The following SHANK2 variants were observed in gnomAD, a reference collection of about 807,000 sequenced individuals.
The protein encoded by SHANK2 is SH3 and multiple ankyrin repeat domains protein 2.
SHANK2 carries 43 observed loss-of-function variants against 133.7 expected under a neutral mutation model. The observed-to-expected ratio is 0.32, with a 90% CI of 0.25 to 0.41. The LOEUF (loss-of-function observed/expected upper bound fraction) is 0.41. SHANK2 is among the 10% of genes least tolerant of loss of function. SHANK2 has a pLI of 1.00. For synonymous variants in SHANK2, 1,017 were observed against 952.8 expected, an observed-to-expected ratio of 1.07 and a Z score of -1.24; for missense variants, 1,994 against 2,235.8, an observed-to-expected ratio of 0.89 and a Z score of 2.18.
chr11:71,080,467 G>A (rs930144443), intron 8 of SHANK2, among the ~76,000 whole-genome samples: 3 of 152,320 alleles, frequency 2.0e-5, no homozygotes, highest in East Asian at 1.9e-4. Flanking sequence ...GAGGAACGGC[G>A]CCACCTGGGG....
At chr11:70,891,371 G>A (rs918160076) in intron 11 of SHANK2, among the ~76,000 whole-genome samples, 6 of 151,836 alleles carry the variant, frequency 4.0e-5, no homozygotes, top group Non-Finnish European at 5.9e-5. Context: ...GGGTGGTGGC[G>A]GGCGCCCGTA....
chr11:71,200,301 T>G (rs1408087344), intron 2 of SHANK2, among the ~76,000 whole-genome samples: 1 of 152,242 alleles, frequency 6.6e-6, no homozygotes, highest in African/African-American at 2.4e-5. Flanking sequence ...CGTAATCCAT[T>G]CCTTTTCAGG....
At chr11:70,622,091 G>T (rs2136458272) in intron 17 of SHANK2, among the ~76,000 whole-genome samples, 1 of 152,284 alleles carries the variant, frequency 6.6e-6, no homozygotes, top group East Asian at 1.9e-4. Context: ...AGGGGTGTTT[G>T]CCTGTCACTA....
chr11:71,204,906 G>A (rs145773410), intron 2 of SHANK2, among the ~76,000 whole-genome samples: 1 of 152,096 alleles, frequency 6.6e-6, no homozygotes, highest in Non-Finnish European at 1.5e-5. Context: ...TCCCAGGTAG[G>A]AGGGTCCCTC....
chr11:71,097,193 G>A (rs1226844792), intron 6 of SHANK2, among the ~76,000 whole-genome samples: 1 of 152,106 alleles, frequency 6.6e-6, no homozygotes, highest in Non-Finnish European at 1.5e-5. Context: ...ACCCACCCTG[G>A]GGAGGTCAGG....
At chr11:70,618,907 G>A (rs911630974) in intron 17 of SHANK2, among the ~76,000 whole-genome samples, 1 of 152,216 alleles carries the variant, frequency 6.6e-6, no homozygotes, top group African/African-American at 2.4e-5. Context: ...TCCAGGGCAG[G>A]CGAGCTTCTC....
At chr11:71,073,939 G>A (rs1463378287) in intron 9 of SHANK2, among the ~76,000 whole-genome samples, 1 of 152,174 alleles carries the variant, frequency 6.6e-6, no homozygotes, top group East Asian at 1.9e-4. Flanking sequence ...GAACTGAACA[G>A]AGTTTGCATC....
intron 15 of SHANK2, 101 bp from the exon 16 acceptor site, chr11:70,661,779 C>G: frequency 6.2e-7 from 1 of 1,613,860 alleles, no homozygotes; most frequent in Non-Finnish European, 8.5e-7. Flanking sequence ...GCCAATTAAT[C>G]ACCCCAGCTC....
intron 11 of SHANK2, among the ~76,000 whole-genome samples, chr11:70,891,322 G>A (rs965204803): frequency 2.0e-5 from 3 of 152,080 alleles, no homozygotes; most frequent in East Asian, 1.9e-4. Context: ...AGACCACAGC[G>A]AAACCCCATC....
At chr11:71,076,503 AAAAAAACAAAC>A (rs1951221642) in intron 8 of SHANK2, among the ~76,000 whole-genome samples, 1 of 148,842 alleles carries the variant, frequency 6.7e-6, no homozygotes, top group Non-Finnish European at 1.5e-5. Flanking sequence ...ACAAAACAAA[AAAAAAACAAAC>A]AAAAACAAAA....
chr11:70,473,657 G>A lies in SHANK2; in HGVS notation c.4980-218C>T, dbSNP rs1591473409. ...GGAGACACCAGAGCACACCACGTCAGCCCACTCACCTGAACTGGGACAGAG... is the reference window on the plus strand; with the variant it reads ...GGAGACACCAGAGCACACCACGTCAACCCACTCACCTGAACTGGGACAGAG... On this transcript the variant is annotated intron_variant, in intron 25 of 25. Transcript: ENST00000601538. This position sits in a 1 kb window ranked among gnomAD's most constrained non-coding sequence, Gnocchi z 5.9. The A allele has an allele frequency of 1.6e-6, 1 of 637,518 alleles. No individual in the cohort carries two copies. The highest frequency in any genetic ancestry group is 2.9e-6 in the Non-Finnish European group (1 of 348,928). 39.5% of individuals were successfully genotyped at this position (637,518 alleles called of 1,614,324 possible). A position where few individuals can be genotyped will look rare whatever the true frequency, so the allele number is the denominator to read the frequency against.
At chr11:70,677,608 A>G (rs1565234449) in intron 15 of SHANK2, among the ~76,000 whole-genome samples, 1 of 152,152 alleles carries the variant, frequency 6.6e-6, no homozygotes, top group Admixed American at 6.5e-5. Context: ...CACCCAAGGA[A>G]GTCCACCATT....
intron 17 of SHANK2, among the ~76,000 whole-genome samples, chr11:70,553,918 GT>G (rs2059799293): frequency 6.6e-6 from 1 of 152,254 alleles, no homozygotes; most frequent in Admixed American, 6.5e-5. Context: ...TGATTCAGGG[GT>G]CCCTGCGTGT....
At chr11:71,251,817 A>AGCT (rs1379348735) in intron 1 of SHANK2, among the ~76,000 whole-genome samples, 6 of 151,164 alleles carry the variant, frequency 4.0e-5, no homozygotes, top group Admixed American at 2.6e-4. Context: ...TCTCCGCGAC[A>AGCT]GCTGCTGCTG....
intron 25 of SHANK2, among the ~76,000 whole-genome samples, chr11:70,480,670 T>C (rs2058721110): frequency 6.6e-6 from 1 of 152,206 alleles, no homozygotes; most frequent in Non-Finnish European, 1.5e-5. Context: ...TCCCTAACTT[T>C]GTTGAGTGAA....
intron 17 of SHANK2, among the ~76,000 whole-genome samples, chr11:70,646,674 T>G (rs1591699793): frequency 6.6e-6 from 1 of 152,186 alleles, no homozygotes; most frequent in East Asian, 1.9e-4. Flanking sequence ...GGTAGATGTG[T>G]GTAACCCAGA....
At chr11:71,061,135 G>A (rs1156414325) in intron 9 of SHANK2, among the ~76,000 whole-genome samples, 1 of 152,264 alleles carries the variant, frequency 6.6e-6, no homozygotes, top group African/African-American at 2.4e-5. Context: ...CTGCAGGCCT[G>A]CTTACTTCAT....
intron 14 of SHANK2, among the ~76,000 whole-genome samples, chr11:70,781,558 TTATATATATA>T (rs1273792106): frequency 2.8e-4 from 8 of 28,968 alleles, no homozygotes; most frequent in Middle Eastern, 0.025. Context: ...TACTTACTTA[TTATATATATA>T]TATATATATA....
intron 11 of SHANK2, among the ~76,000 whole-genome samples, chr11:70,889,519 C>T (rs375917974): frequency 1.2e-4 from 18 of 152,336 alleles, no homozygotes; most frequent in East Asian, 3.9e-4. Flanking sequence ...TGAGCAGAAA[C>T]GCCTGGCAGG....
Sources: gnomAD v4.1 joint callset for allele counts (sites outside exome capture counted in the v4.1 genomes callset) on GRCh38, gnomAD v4.1.1 for gene constraint, Gnocchi (gnomAD v3.1) non-coding constraint, MANE v1.5 for transcripts, NCBI Gene and HGNC (gene_info 2026-07-23, HGNC 2026-07-21) for gene names.